Variants in HACE1 observed in about 807,000 individuals in gnomAD.
The protein encoded by HACE1 is E3 ubiquitin-protein ligase HACE1.
A neutral mutation model predicts 118.4 loss-of-function variants in HACE1; 73 were observed. That is an observed-to-expected ratio of 0.62 (90% CI 0.51 to 0.75). HACE1 has a LOEUF of 0.75. Ranked by LOEUF, HACE1 falls within the 30% of genes least tolerant of loss-of-function variation. The pLI is 0.00. For missense variants in HACE1, 749 were observed against 1,102.2 expected (o/e 0.68, Z 4.54); for synonymous variants, 368 against 374.8 (o/e 0.98, Z 0.21).
intron 6 of HACE1, among the ~76,000 whole-genome samples, chr6:104,821,018 A>G (rs922225734): frequency 9.9e-5 from 15 of 152,226 alleles, no homozygotes; most frequent in Non-Finnish European, 8.8e-5. Flanking sequence ...ATAAAAAAGA[A>G]CGTGACAATG....
At chr6:104,750,079 T>C (rs1335181546) in intron 20 of HACE1, among the ~76,000 whole-genome samples, 1 of 152,110 alleles carries the variant, frequency 6.6e-6, no homozygotes, top group Non-Finnish European at 1.5e-5. Context: ...ATCTCCCATA[T>C]AGAAGAAACA....
At chr6:104,752,673 T>A (rs906977345) in intron 19 of HACE1, among the ~76,000 whole-genome samples, 10 of 152,280 alleles carry the variant, frequency 6.6e-5, no homozygotes, top group Non-Finnish European at 1.2e-4. Context: ...GCATTCCATA[T>A]CTATCAGAAT....
chr6:104,782,839 T>G (rs1306406305), intron 14 of HACE1, among the ~76,000 whole-genome samples: 2 of 152,184 alleles, frequency 1.3e-5, no homozygotes, highest in Non-Finnish European at 2.9e-5. Flanking sequence ...CTAAAGACAT[T>G]AAAAACCACT....
intron 6 of HACE1, among the ~76,000 whole-genome samples, chr6:104,826,099 AG>A (rs1289910958): frequency 2.0e-5 from 3 of 152,186 alleles, no homozygotes; most frequent in Non-Finnish European, 4.4e-5. Flanking sequence ...AAAGGGATCT[AG>A]GCACAAGTTC....
rs78674829 is a variant in HACE1 at position 104,825,667 on chromosome 6, C to A, written c.534+7375G>T. Among the ~76,000 whole-genome samples, 961 of 152,242 alleles carry A rather than the reference C, an allele frequency of 6.3e-3. 7 individuals are homozygous for A. The highest frequency in any genetic ancestry group is 0.022 in the African/African-American group (933 of 41,546). ...CACTTCATTTACATGAGGCGAACAC[C>A]AAGTGGCCAATGGGAAACATATATG... On this transcript the variant is annotated intron_variant, in intron 6 of 23. Transcript: ENST00000262903.
chr6:104,822,301 T>C (rs371868575), intron 6 of HACE1, among the ~76,000 whole-genome samples: 1 of 146,604 alleles, frequency 6.8e-6, no homozygotes, highest in Non-Finnish European at 1.5e-5. Context: ...GAGAATGGCA[T>C]GAACCCAGGA....
At chr6:104,751,536 G>A (rs546873603) in intron 19 of HACE1, among the ~76,000 whole-genome samples, 1 of 152,238 alleles carries the variant, frequency 6.6e-6, no homozygotes, top group East Asian at 1.9e-4. Context: ...AGGCTGAGGT[G>A]GAAGCATTGC....
intron 6 of HACE1, among the ~76,000 whole-genome samples, chr6:104,815,944 G>A (rs1437456150): frequency 1.3e-5 from 2 of 151,842 alleles, no homozygotes; most frequent in Admixed American, 6.6e-5. Context: ...GTGGTGGCAG[G>A]GACCTGTAAT....
At chr6:104,819,887 T>C (rs1185172356) in intron 6 of HACE1, among the ~76,000 whole-genome samples, 1 of 152,096 alleles carries the variant, frequency 6.6e-6, no homozygotes, top group Non-Finnish European at 1.5e-5. Flanking sequence ...TAACTCAAAA[T>C]GGATTAAAGA....
At chr6:104,798,018 A>G (rs1483457397) in intron 7 of HACE1, among the ~76,000 whole-genome samples, 1 of 151,764 alleles carries the variant, frequency 6.6e-6, no homozygotes, top group Non-Finnish European at 1.5e-5. Context: ...CAGTGAGCCA[A>G]GAATGCCCCA....
chr6:104,743,315 T>TA (rs71741922), intron 22 of HACE1, among the ~76,000 whole-genome samples: 6 of 151,008 alleles, frequency 4.0e-5, no homozygotes, highest in South Asian at 2.1e-4. Context: ...AGTATAATAA[T>TA]AAAAAAAAAT....
intron 3 of HACE1, among the ~76,000 whole-genome samples, chr6:104,849,704 A>T (rs548489289): frequency 1.4e-5 from 2 of 147,448 alleles, no homozygotes; most frequent in East Asian, 4.0e-4. Context: ...GCTGGAGTGC[A>T]GTGGTGCGAT....
In HACE1 at chr6:104,859,694, T is replaced by C; in HGVS notation, c.-52A>G. On this transcript the variant is annotated 5_prime_UTR_variant, in exon 1 of 24. Coordinates refer to ENST00000262903, the MANE Select transcript of HACE1 (RefSeq NM_020771.4). ...GCGATCAGCCGCCCCACCGGCGGCC[T>C]CCGCGCCCAGAGCCCTACATCTCGC... The C allele has an allele frequency of 6.8e-7, 1 of 1,472,704 alleles. No homozygotes were observed. 91.2% of individuals were successfully genotyped at this position (1,472,704 alleles called of 1,614,324 possible).
intron 22 of HACE1, among the ~76,000 whole-genome samples, chr6:104,735,617 C>T (rs553612254): frequency 7.3e-5 from 11 of 150,916 alleles, no homozygotes; most frequent in African/African-American, 1.5e-4. Context: ...GACGACAGAG[C>T]GAGACTCCGT....
chr6:104,845,476 C>CTT lies in HACE1; in HGVS notation c.327-2180_327-2179dup, dbSNP rs35701834. 2.3e-3 allele frequency among the ~76,000 whole-genome samples: 314 copies of CTT among 134,084 alleles called. 5 individuals carry two copies. The highest frequency in any genetic ancestry group is 0.013 in the East Asian group (61 of 4,632). 88.0% of individuals were successfully genotyped at this position (134,084 alleles called of 152,430 possible). On this transcript the variant is annotated intron_variant, in intron 4 of 23. Coordinates refer to ENST00000262903, the MANE Select transcript of HACE1 (RefSeq NM_020771.4). ...TGAAGAAAATAAAGCTCTGGGTAAA[C>CTT]TTTTTTTTTTTTTTTTTTGAGACAA...
chr6:104,784,042 TTAA>T, intron 14 of HACE1, 41 bp downstream of exon 14: 1 of 955,376 alleles, frequency 1.0e-6, no homozygotes, highest in Non-Finnish European at 1.7e-6. Flanking sequence ...ATTTTAGAAA[TTAA>T]TTTCATTAGA....
chr6:104,795,382 A>G (rs1358554509), intron 10 of HACE1, among the ~76,000 whole-genome samples, 197 bp downstream of exon 10: 1 of 152,168 alleles, frequency 6.6e-6, no homozygotes, highest in Admixed American at 6.5e-5. Context: ...CTCTATTTTT[A>G]GTCTCTTTAG....
intron 6 of HACE1, among the ~76,000 whole-genome samples, chr6:104,820,905 A>G (rs906580520): frequency 6.6e-6 from 1 of 152,242 alleles, no homozygotes; most frequent in Admixed American, 6.5e-5. Flanking sequence ...TCACTGCTGC[A>G]CTATTCACAA....
chr6:104,850,880 T>C lies in HACE1; in HGVS notation c.221+27A>G. Reference sequence around the variant, plus strand: ...TACTGATCCTTGCCCTAGATCAGAGTTTAACTCAAAATATCTTTAGTCTTA... The same window carrying C: ...TACTGATCCTTGCCCTAGATCAGAGCTTAACTCAAAATATCTTTAGTCTTA... On this transcript the variant is annotated intron_variant, in intron 3 of 23. Coordinates refer to ENST00000262903, the MANE Select transcript of HACE1 (RefSeq NM_020771.4). The C allele has an allele frequency of 2.2e-6, 3 of 1,366,464 alleles. No individual in the cohort carries two copies. In the East Asian group the frequency reaches 6.9e-5, roughly 31 times the overall value. 84.6% of individuals were successfully genotyped at this position (1,366,464 alleles called of 1,614,324 possible).
Sources: allele counts gnomAD v4.1 joint callset (sites outside exome capture counted in the v4.1 genomes callset), GRCh38; gene constraint gnomAD v4.1.1; transcripts MANE v1.5; gene names NCBI Gene and HGNC (gene_info 2026-07-23, HGNC 2026-07-21).